STK38L: variants seen among roughly 807,000 people sequenced by gnomAD.
The protein encoded by STK38L is serine/threonine-protein kinase 38-like.
A neutral mutation model predicts 59.7 loss-of-function variants in STK38L; 28 were observed. The observed-to-expected ratio is 0.47, with a 90% CI of 0.35 to 0.64. The LOEUF (loss-of-function observed/expected upper bound fraction) is 0.64. Among genes scored for constraint, STK38L ranks in the 30% least tolerant of loss-of-function variants. The pLI is 0.01. For synonymous variants in STK38L, 162 were observed against 176.8 expected, an observed-to-expected ratio of 0.92 and a Z score of 0.66; for missense variants, 314 against 555.8, an observed-to-expected ratio of 0.56 and a Z score of 4.37.
chr12:27,273,974 G>T (rs1209725720), intron 1 of STK38L, among the ~76,000 whole-genome samples: 1 of 151,948 alleles, frequency 6.6e-6, no homozygotes. Flanking sequence ...CCCTTTTTGG[G>T]CCGGGTGCGG....
At chr12:27,246,808 A>T (rs995356138) in intron 1 of STK38L, among the ~76,000 whole-genome samples, 2 of 152,124 alleles carry the variant, frequency 1.3e-5, no homozygotes, top group African/African-American at 4.8e-5. Context: ...ACAGGGTATT[A>T]TTGTTCAGAA....
chr12:27,261,469 GAGACC>G (rs1245257272), intron 1 of STK38L, among the ~76,000 whole-genome samples: 4 of 152,152 alleles, frequency 2.6e-5, no homozygotes. Flanking sequence ...CCACAGACCT[GAGACC>G]ACTTTGTTGC....
intron 10 of STK38L, 115 bp downstream of exon 10, chr12:27,317,568 T>C (rs1302640944): frequency 1.1e-6 from 1 of 887,258 alleles, no homozygotes; most frequent in Non-Finnish European, 1.7e-6. Context: ...AGCTTAATTC[T>C]GATGTTCCCC....
At chr12:27,255,919 G>A (rs960530208) in intron 1 of STK38L, among the ~76,000 whole-genome samples, 1 of 152,174 alleles carries the variant, frequency 6.6e-6, no homozygotes, top group South Asian at 2.1e-4. Flanking sequence ...ACCCAGAGCT[G>A]ACTTTATCTT....
Position 27,315,326 on chromosome 12 carries a change from T to G in STK38L, c.813T>G (p.Thr271=). 6.2e-7 allele frequency: 1 copy of G among 1,613,780 alleles called. No homozygotes were observed. The highest frequency in any genetic ancestry group is 8.5e-7 in the Non-Finnish European group (1 of 1,179,858). ...TGAACTCAAAGAGGAAAGCAGAAAC[T>G]TGGAAGAAGAACAGGAGACAACTGG... The part of the protein sequence containing the change: ...QNMNSKRKAE[T]WKKNRRQLAY... Residue 271 remains threonine, a synonymous_variant, in exon 9 of 14, where the codon ACT becomes ACG. Transcript: ENST00000389032.
chr12:27,284,197 C>T (rs966781102), intron 1 of STK38L, among the ~76,000 whole-genome samples: 1 of 152,142 alleles, frequency 6.6e-6, no homozygotes, highest in South Asian at 2.1e-4. Context: ...CAGGACTCAG[C>T]GCTGGCTATC....
chr12:27,298,986 G>C (rs896582797), intron 2 of STK38L, among the ~76,000 whole-genome samples: 9 of 152,336 alleles, frequency 5.9e-5, no homozygotes, highest in Admixed American at 5.9e-4. Context: ...TGGGGTCAGG[G>C]TGGGGAATTA....
chr12:27,313,632 C>A (rs1308483425), intron 6 of STK38L, among the ~76,000 whole-genome samples: 1 of 152,078 alleles, frequency 6.6e-6, no homozygotes, highest in Non-Finnish European at 1.5e-5. Context: ...ATCCACCCAC[C>A]TCAGCCTCCC....
intron 1 of STK38L, among the ~76,000 whole-genome samples, chr12:27,263,717 T>G (rs547205441): frequency 5.3e-5 from 8 of 152,242 alleles, no homozygotes; most frequent in Non-Finnish European, 1.0e-4. Flanking sequence ...TTGAGTACTT[T>G]CTGTGTGCTC....
intron 3 of STK38L, among the ~76,000 whole-genome samples, chr12:27,302,747 G>A (rs141272413): frequency 2.8e-3 from 427 of 152,056 alleles, no homozygotes; most frequent in Non-Finnish European, 4.9e-3. Flanking sequence ...TGGGCCGGGC[G>A]CGGTAGCTCA....
chr12:27,305,598 G>A (rs1944291789), intron 3 of STK38L, among the ~76,000 whole-genome samples: 1 of 152,132 alleles, frequency 6.6e-6, no homozygotes, highest in African/African-American at 2.4e-5. Context: ...AAATAAAATA[G>A]ATAAAGTTGC....
intron 1 of STK38L, among the ~76,000 whole-genome samples, chr12:27,246,092 T>C (rs756001326): frequency 8.5e-5 from 13 of 152,238 alleles, no homozygotes; most frequent in Non-Finnish European, 1.6e-4. Flanking sequence ...AACAAATAGA[T>C]GTCCTTGTTA....
At chr12:27,275,118 G>A (rs1298680608) in intron 1 of STK38L, among the ~76,000 whole-genome samples, 1 of 152,008 alleles carries the variant, frequency 6.6e-6, no homozygotes, top group East Asian at 1.9e-4. Flanking sequence ...CAAATTCCAT[G>A]GCATCACATT....
intron 1 of STK38L, among the ~76,000 whole-genome samples, chr12:27,278,721 AT>A (rs1261933171): frequency 6.6e-6 from 1 of 152,162 alleles, no homozygotes; most frequent in Non-Finnish European, 1.5e-5. Flanking sequence ...CTTGGATGCA[AT>A]TTTTTAAAAG....
chr12:27,287,207 G>A (rs1457122375), intron 1 of STK38L, among the ~76,000 whole-genome samples: 1 of 151,644 alleles, frequency 6.6e-6, no homozygotes, highest in Non-Finnish European at 1.5e-5. Flanking sequence ...CCAGGCTCAA[G>A]TGATTCTCCT....
intron 1 of STK38L, among the ~76,000 whole-genome samples, chr12:27,273,893 A>G (rs1943476039): frequency 6.6e-6 from 1 of 152,196 alleles, no homozygotes; most frequent in Non-Finnish European, 1.5e-5. Flanking sequence ...AGAAATTGAA[A>G]CATAAGTACG....
intron 6 of STK38L, 60 bp from the exon 7 acceptor site, chr12:27,314,444 C>A (rs1591939533): frequency 4.4e-4 from 455 of 1,042,362 alleles, no homozygotes; most frequent in Middle Eastern, 5.5e-4. Flanking sequence ...AAAGCTTTTA[C>A]AAGGTATTCC....
At chr12:27,258,491 G>A (rs997152676) in intron 1 of STK38L, among the ~76,000 whole-genome samples, 1 of 151,980 alleles carries the variant, frequency 6.6e-6, no homozygotes, top group African/African-American at 2.4e-5. Context: ...TCCATGCCCA[G>A]CTAATTTTTG....
intron 1 of STK38L, among the ~76,000 whole-genome samples, chr12:27,257,260 T>G (rs946053444): frequency 1.3e-5 from 2 of 151,930 alleles, no homozygotes; most frequent in Admixed American, 1.3e-4. Context: ...TAATGGGGAG[T>G]GTCACTAAGT....
Sources: gnomAD v4.1 joint callset for allele counts (sites outside exome capture counted in the v4.1 genomes callset) on GRCh38, gnomAD v4.1.1 for gene constraint, MANE v1.5 for transcripts, NCBI Gene and HGNC (gene_info 2026-07-23, HGNC 2026-07-21) for gene names.